The following RNF170 variants were observed in gnomAD, a reference collection of about 807,000 sequenced individuals.
RNF170 encodes ring finger protein 170, also known as E3 ubiquitin-protein ligase RNF170.
Under a neutral mutation model 32.7 loss-of-function variants are expected in RNF170, and 12 were observed. The observed-to-expected ratio is 0.37, with a 90% CI of 0.24 to 0.60. RNF170 has a LOEUF of 0.60. RNF170 is among the 20% of genes least tolerant of loss of function. The pLI is 0.72. For missense variants in RNF170, 212 were observed against 311.2 expected (o/e 0.68, Z 2.40); for synonymous variants, 91 against 103.6 (o/e 0.88, Z 0.74).
rs1261409255 is a variant in RNF170, at chr8:42,855,563, A to G, written c.*596T>C. ...ATTAAAATGTGTTCTGTAAACTAGA[A>G]TATGATATCGAAGTATGAAGTTCAA... On this transcript the variant is annotated 3_prime_UTR_variant, in exon 7 of 7. Coordinates refer to ENST00000527424, the MANE Select transcript of RNF170 (RefSeq NM_030954.4). The G allele has an allele frequency of 2.3e-6, 3 of 1,280,508 alleles. No individual in the cohort carries two copies. Among genetic ancestry groups the G allele is most frequent in the Non-Finnish European group, 3.1e-6 (3 of 982,490 alleles). The allele number at this position is 1,280,508 out of a possible 1,614,324, so 79.3% of individuals were successfully genotyped here.
chr8:42,878,486 T>C (rs2128942557), intron 2 of RNF170, among the ~76,000 whole-genome samples: 1 of 152,362 alleles, frequency 6.6e-6, no homozygotes, highest in Admixed American at 6.5e-5. Flanking sequence ...AACATTTCCT[T>C]AAGCCAAAGC....
intron 6 of RNF170, among the ~76,000 whole-genome samples, chr8:42,860,567 C>A (rs557243710): frequency 6.7e-6 from 1 of 150,036 alleles, no homozygotes; most frequent in South Asian, 2.1e-4. Context: ...GGACTACAGG[C>A]ACAAACCACC....
Position 42,855,537 on chromosome 8 carries a change from G to A in RNF170, c.*622C>T. 7.8e-7 allele frequency: 1 copy of A among 1,283,204 alleles called. No individual in the cohort carries two copies. The highest frequency in any genetic ancestry group is 1.0e-6 in the Non-Finnish European group (1 of 984,828). The allele number at this position is 1,283,204 out of a possible 1,614,324, so 79.5% of individuals were successfully genotyped here. ...TGTTTTTCATCTTAATTCTTCTATT[G>A]ATTAAAATGTGTTCTGTAAACTAGA... On this transcript the variant is annotated 3_prime_UTR_variant, in exon 7 of 7. Coordinates refer to ENST00000527424, the MANE Select transcript of RNF170 (RefSeq NM_030954.4).
At position 42,854,454 on chromosome 8, in the gene RNF170, A is replaced by C. The variant is rs1346262501; in HGVS notation, c.*1705T>G. ...AAGTTGGTGTCCTGCGTTCCTCACA[A>C]AATTATCCAAAGGATAAAATGAAAA... On this transcript the variant is annotated 3_prime_UTR_variant, in exon 7 of 7. Coordinates refer to ENST00000527424, the MANE Select transcript of RNF170 (RefSeq NM_030954.4). 1 of 1,286,936 alleles carries C rather than the reference A, an allele frequency of 7.8e-7. No individual in the cohort carries two copies. The highest frequency in any genetic ancestry group is 1.5e-5 in the African/African-American group (1 of 65,788). The allele number at this position is 1,286,936 out of a possible 1,614,324, so 79.7% of individuals were successfully genotyped here. A position where few individuals can be genotyped will look rare whatever the true frequency, so the allele number is the denominator to read the frequency against.
Position 42,855,616 on chromosome 8 carries a change from CA to C in RNF170, c.*542del. The C allele has an allele frequency of 7.8e-7, 1 of 1,280,698 alleles. No homozygotes were observed. Among genetic ancestry groups the C allele is most frequent in the Non-Finnish European group, 1.0e-6 (1 of 982,594 alleles). The allele number at this position is 1,280,698 out of a possible 1,614,324, so 79.3% of individuals were successfully genotyped here. A position where few individuals can be genotyped will look rare whatever the true frequency, so the allele number is the denominator to read the frequency against. On this transcript the variant is annotated 3_prime_UTR_variant, in exon 7 of 7. Transcript: ENST00000527424. ...TTCTTCTTTCAGTTTCAGCTGATAG[CA>C]AATAATTAATTATACCAGAATGAAA...
chr8:42,874,990 G>A (rs1804805351), intron 2 of RNF170, among the ~76,000 whole-genome samples: 1 of 151,898 alleles, frequency 6.6e-6, no homozygotes, highest in African/African-American at 2.4e-5. Context: ...TGACCAACAT[G>A]GAGAAACCCT....
upstream of RNF170, chr8:42,896,665 G>C (rs1428519849): frequency 2.2e-6 from 1 of 450,566 alleles, no homozygotes; most frequent in Non-Finnish European, 4.4e-6. Flanking sequence ...CGGCGGAGGA[G>C]GACCCGTCGC....
At chr8:42,880,206 A>G (rs1290066281) in intron 2 of RNF170, among the ~76,000 whole-genome samples, 1 of 152,212 alleles carries the variant, frequency 6.6e-6, no homozygotes, top group Non-Finnish European at 1.5e-5. Context: ...GTTGCTTCCT[A>G]TGGATGAGCA....
At chr8:42,894,389 AG>A (rs1806574678) in intron 1 of RNF170, among the ~76,000 whole-genome samples, 2 of 152,208 alleles carry the variant, frequency 1.3e-5, no homozygotes, top group Admixed American at 6.5e-5. Context: ...GTGAGTCAGG[AG>A]TAAGTCAATG....
intron 1 of RNF170, 72 bp downstream of exon 1, chr8:42,896,412 A>G: frequency 2.2e-6 from 1 of 450,684 alleles, no homozygotes; most frequent in South Asian, 1.6e-5. Flanking sequence ...TACCCCAAGA[A>G]GGCCAGACCC....
At chr8:42,869,094 G>C (rs1804332363) in intron 4 of RNF170, among the ~76,000 whole-genome samples, 1 of 151,964 alleles carries the variant, frequency 6.6e-6, no homozygotes, top group South Asian at 2.1e-4. Flanking sequence ...ATTTTTTGTG[G>C]AGACAGGGTC....
chr8:42,850,804 C>A, downstream of RNF170: 2 of 1,551,516 alleles, frequency 1.3e-6, no homozygotes, highest in Non-Finnish European at 1.7e-6. Flanking sequence ...ACCTGAGAAC[C>A]AAAGGATGGA....
At chr8:42,856,769 G>A (rs1224462342) in intron 6 of RNF170, among the ~76,000 whole-genome samples, 3 of 152,164 alleles carry the variant, frequency 2.0e-5, no homozygotes, top group African/African-American at 7.2e-5. Flanking sequence ...TTGAGCTTAA[G>A]TCTCAGCTTT....
intron 2 of RNF170, among the ~76,000 whole-genome samples, chr8:42,886,341 T>C (rs1330825342): frequency 6.6e-6 from 1 of 152,208 alleles, no homozygotes; most frequent in African/African-American, 2.4e-5. Flanking sequence ...AAGAACAACC[T>C]GCTTAGTGGA....
chr8:42,867,775 CAAAAAAAA>C (rs1054907767), intron 4 of RNF170, among the ~76,000 whole-genome samples: 1 of 24,772 alleles, frequency 4.0e-5, no homozygotes, highest in Non-Finnish European at 7.9e-5. Context: ...GACTCCATCT[CAAAAAAAA>C]AAAAAAAAAA....
chr8:42,871,172 T>C (rs904466215), intron 3 of RNF170, among the ~76,000 whole-genome samples: 1 of 151,974 alleles, frequency 6.6e-6, no homozygotes, highest in African/African-American at 2.4e-5. Context: ...ATCACACCGC[T>C]ATACTCCTGC....
upstream of RNF170, chr8:42,896,764 G>A (rs1016054336): frequency 2.0e-5 from 3 of 146,434 alleles, no homozygotes; most frequent in South Asian, 3.6e-4. Flanking sequence ...GGCGGCGGCG[G>A]CGGCGGCGGC....
chr8:42,858,983 G>A (rs1803452429), intron 6 of RNF170, among the ~76,000 whole-genome samples: 1 of 152,018 alleles, frequency 6.6e-6, no homozygotes, highest in African/African-American at 2.4e-5. Flanking sequence ...AGGAGTTTGA[G>A]AACAGCCTGG....
intron 6 of RNF170, among the ~76,000 whole-genome samples, 187 bp from the exon 7 acceptor site, chr8:42,856,615 G>T (rs1205556070): frequency 6.6e-6 from 1 of 152,200 alleles, no homozygotes. Context: ...TTACAGAATA[G>T]ATCTTATTGC....
Sources: gnomAD v4.1 joint callset for allele counts (sites outside exome capture counted in the v4.1 genomes callset) on GRCh38, gnomAD v4.1.1 for gene constraint, MANE v1.5 for transcripts, NCBI Gene and HGNC (gene_info 2026-07-23, HGNC 2026-07-21) for gene names.